The following MAGED1 variants were observed in gnomAD, a reference collection of about 807,000 sequenced individuals.
MAGED1 encodes melanoma-associated antigen D1.
In MAGED1, 3 loss-of-function variants were observed where a neutral mutation model predicts 54.1. The ratio of observed to expected loss-of-function variants is 0.06; its 90% CI spans 0.03 to 0.14. MAGED1 has a LOEUF of 0.14. MAGED1 is among the 10% of genes least tolerant of loss of function. The pLI is 1.00. For missense variants in MAGED1, 485 were observed against 623.4 expected, an observed-to-expected ratio of 0.78 and a Z score of 2.36; for synonymous variants, 217 against 227.3, an observed-to-expected ratio of 0.95 and a Z score of 0.41.
chrX:51,841,473 C>T (rs1266519029), intron 1 of MAGED1, among the ~76,000 whole-genome samples: 2 of 110,575 alleles, frequency 1.8e-5, no homozygotes, highest in Non-Finnish European at 3.8e-5. Context: ...GCTTTTGTTG[C>T]CATTGCTTTT....
rs1557364021 is a variant in MAGED1, at chrX:51,895,059, G to A, written c.52G>A (p.Ala18Thr). Residue 18 changes from alanine (A) to threonine (T), a missense_variant, in exon 3 of 13, where the codon GCC becomes ACC. This residue lies in a region of MAGED1 where 299 missense variants were observed against 293.1 expected (regional missense o/e 1.02). Coordinates refer to ENST00000326587, the MANE Select transcript of MAGED1 (RefSeq NM_006986.4). Reference sequence around the variant, plus strand: ...TTCCCCCCTGTGTTTGCAGGCTGAGGCCTCCGTAGAAGACAGCGCCTTGCT... The same window carrying A: ...TTCCCCCCTGTGTTTGCAGGCTGAGACCTCCGTAGAAGACAGCGCCTTGCT... ...GAGLLGFQAE[A>T]SVEDSALLMQ... is the part of the protein sequence containing the mutation. 1 of 1,201,766 alleles carries A rather than the reference G, an allele frequency of 8.3e-7. No individual in the cohort carries two copies. Among genetic ancestry groups the A allele is most frequent in the South Asian group, 1.8e-5 (1 of 56,000 alleles).
chrX:51,895,064 C>T lies in MAGED1; in HGVS notation c.57C>T (p.Ser19=). 3 of 1,206,429 alleles carry T rather than the reference C, an allele frequency of 2.5e-6. No homozygotes were observed. The highest frequency in any genetic ancestry group is 4.4e-5 in the Admixed American group (2 of 45,732). The change falls in exon 3 of 13, where the codon TCC becomes TCT. Residue 19 remains serine (S), a synonymous_variant. Coordinates refer to ENST00000326587, the MANE Select transcript of MAGED1 (RefSeq NM_006986.4). ...AGLLGFQAEA[S]VEDSALLMQT... is the part of the protein sequence containing the mutation. ...CCCTGTGTTTGCAGGCTGAGGCCTC[C>T]GTAGAAGACAGCGCCTTGCTTATGC...
At chrX:51,874,827 G>T (rs1049056268) in intron 1 of MAGED1, among the ~76,000 whole-genome samples, 3 of 108,180 alleles carry the variant, frequency 2.8e-5, no homozygotes, top group Non-Finnish European at 5.8e-5. Context: ...GGTATGCCTG[G>T]TTTTTTTTTA....
In MAGED1 at chrX:51,895,688, G is replaced by A; in HGVS notation, c.681G>A (p.Gln227=). ...CTGAACCTGACGGTGCAACTGCACA[G>A]ACATCAGCAGATGGTTCCCAGGCTC... ...GISEPDGATA[Q]TSADGSQAQN... The change falls in exon 3 of 13, where the codon CAG becomes CAA. Residue 227 remains glutamine, a synonymous_variant. Coordinates refer to ENST00000326587, the MANE Select transcript of MAGED1 (RefSeq NM_006986.4). The A allele has an allele frequency of 8.3e-7, 1 of 1,203,347 alleles. No homozygotes were observed. The highest frequency in any genetic ancestry group is 1.1e-6 in the Non-Finnish European group (1 of 891,045).
intron 1 of MAGED1, among the ~76,000 whole-genome samples, chrX:51,803,724 CTTTT>C (rs10576124): frequency 1.5e-3 from 121 of 81,353 alleles, no homozygotes; most frequent in African/African-American, 4.8e-3. Context: ...AAATGATGTT[CTTTT>C]TTTTTTTTTT....
intron 1 of MAGED1, among the ~76,000 whole-genome samples, chrX:51,850,564 G>T (rs1926850607): frequency 9.0e-6 from 1 of 111,681 alleles, no homozygotes; most frequent in Non-Finnish European, 1.9e-5. Context: ...TCCAGGGCAT[G>T]TCAGTTTCAG....
intron 1 of MAGED1, among the ~76,000 whole-genome samples, chrX:51,812,055 G>C (rs1479009370): frequency 9.0e-6 from 1 of 110,538 alleles, no homozygotes; most frequent in Non-Finnish European, 1.9e-5. Context: ...AGACCAAGGT[G>C]TGGTGCTGGC....
Position 51,895,545 on chromosome X carries a change from C to A in MAGED1, c.538C>A (p.Pro180Thr). ...NDLANSRPKT[P>T]FKAWNDTTKA... is the part of the protein sequence containing the mutation. ...CCTGGCCAACAGCAGGCCTAAGACCCCTTTCAAGGCTTGGAATGATACCAC... is the reference window on the plus strand; with the variant it reads ...CCTGGCCAACAGCAGGCCTAAGACCACTTTCAAGGCTTGGAATGATACCAC... The change falls in exon 3 of 13, where the codon CCT (proline) becomes ACT (threonine). Residue 180 changes from proline (P) to threonine (T), a missense_variant. Around this residue, in one of 2 missense-constraint regions of MAGED1, gnomAD observed 299 missense variants for 293.1 expected, o/e 1.02. Coordinates refer to ENST00000326587, the MANE Select transcript of MAGED1 (RefSeq NM_006986.4). 8.3e-7 allele frequency: 1 copy of A among 1,211,443 alleles called. No homozygotes were observed. The highest frequency in any genetic ancestry group is 1.7e-5 in the African/African-American group (1 of 57,793).
chrX:51,819,390 C>T (rs1474023786), intron 1 of MAGED1, among the ~76,000 whole-genome samples: 1 of 109,711 alleles, frequency 9.1e-6, no homozygotes, highest in Non-Finnish European at 1.9e-5. Context: ...CCTTCTCCAC[C>T]AAGAAAATCT....
chrX:51,847,330 C>T (rs1459017528), intron 1 of MAGED1, among the ~76,000 whole-genome samples: 3 of 111,412 alleles, frequency 2.7e-5, no homozygotes, highest in Non-Finnish European at 3.8e-5. Flanking sequence ...TTGTTTTCTA[C>T]GTTCTAAAAT....
In MAGED1 at chrX:51,901,597, G is replaced by A; in HGVS notation, c.2004G>A (p.Glu668=). Residue 668 remains glutamate, a synonymous_variant, in exon 12 of 13, where the codon GAG becomes GAA. Coordinates refer to ENST00000326587, the MANE Select transcript of MAGED1 (RefSeq NM_006986.4). ...GTGACTGGACTGCACAGTTCATGGA[G>A]GCTGCAGATGAGGCCTTGGATGCTC... is the stretch of plus-strand genomic sequence containing the variant. ...DPRDWTAQFM[E]AADEALDALD... 2.5e-6 allele frequency: 3 copies of A among 1,202,679 alleles called. No individual in the cohort carries two copies. Among genetic ancestry groups the A allele is most frequent in the Non-Finnish European group, 3.4e-6 (3 of 890,616 alleles).
At chrX:51,845,365 C>A (rs1244058964) in intron 1 of MAGED1, among the ~76,000 whole-genome samples, 1 of 112,299 alleles carries the variant, frequency 8.9e-6, no homozygotes, top group African/African-American at 3.2e-5. Flanking sequence ...AGAGGGTAGA[C>A]CCTTGAGCCA....
chrX:51,828,926 G>A lies in MAGED1; in HGVS notation c.-37+25809G>A, dbSNP rs187540003. ...AAAAAACTCTTCTAAATATCATATGGATTTTTTCTACTTGTATCACATCTC... is the reference window on the plus strand; with the variant it reads ...AAAAAACTCTTCTAAATATCATATGAATTTTTTCTACTTGTATCACATCTC... On this transcript the variant is annotated intron_variant, in intron 1 of 12. Transcript: ENST00000375772. Among the ~76,000 whole-genome samples, 618 of 110,899 alleles carry A rather than the reference G, an allele frequency of 5.6e-3. 7 individuals carry two copies. The highest frequency in any genetic ancestry group is 0.02 in the African/African-American group (601 of 30,582).
chrX:51,894,503 G>A, intron 2 of MAGED1, 154 bp downstream of exon 2: 1 of 799,285 alleles, frequency 1.3e-6, no homozygotes, highest in African/African-American at 2.1e-5. Flanking sequence ...TATCGAAGGG[G>A]GGGAGGGGCG....
At chrX:51,893,577 T>A (rs782665465), upstream of MAGED1, 1 of 113,820 alleles carries the variant, frequency 8.8e-6, no homozygotes, top group African/African-American at 3.2e-5. Context: ...GCGCGTAACG[T>A]CCTGAGGCGG....
chrX:51,878,364 A>T (rs1227514032), intron 1 of MAGED1, among the ~76,000 whole-genome samples: 1 of 111,348 alleles, frequency 9.0e-6, no homozygotes, highest in African/African-American at 3.3e-5. Flanking sequence ...ATGGTGAGAA[A>T]ATGTGTGAAG....
At chrX:51,823,025 A>G (rs1203737263) in intron 1 of MAGED1, among the ~76,000 whole-genome samples, 1 of 111,963 alleles carries the variant, frequency 8.9e-6, no homozygotes, top group African/African-American at 3.2e-5. Flanking sequence ...TGGTGAAGAT[A>G]CTTTTTATTA....
chrX:51,830,132 A>AAT (rs1926006464), intron 1 of MAGED1, among the ~76,000 whole-genome samples: 1 of 112,335 alleles, frequency 8.9e-6, no homozygotes, highest in African/African-American at 3.2e-5. Flanking sequence ...AAATCACATC[A>AAT]ATATATATCA....
chrX:51,880,105 G>A (rs898351639), intron 1 of MAGED1, among the ~76,000 whole-genome samples: 2 of 112,412 alleles, frequency 1.8e-5, no homozygotes, highest in Admixed American at 1.9e-4. Context: ...TCAGCTCAGG[G>A]TATTTACAGG....
Sources: allele counts gnomAD v4.1 joint callset (sites outside exome capture counted in the v4.1 genomes callset), GRCh38; gene constraint gnomAD v4.1.1; regional missense constraint gnomAD v4.1.1; transcripts MANE v1.5; gene names NCBI Gene and HGNC (gene_info 2026-07-23, HGNC 2026-07-21).